Variants in FSTL5 observed in about 807,000 individuals in gnomAD.
FSTL5 encodes the protein follistatin like 5.
A neutral mutation model predicts 89.1 loss-of-function variants in FSTL5; 62 were observed. That is an observed-to-expected ratio of 0.70 (90% confidence interval 0.57 to 0.86). FSTL5 has a LOEUF of 0.86. FSTL5 is among the 40% of genes least tolerant of loss of function. FSTL5 has a pLI of 0.00. For missense variants in FSTL5, 1,057 were observed against 1,001.6 expected (o/e 1.06, Z -0.75); for synonymous variants, 383 against 346.2 (o/e 1.11, Z -1.18).
intron 6 of FSTL5, among the ~76,000 whole-genome samples, chr4:161,746,298 G>C (rs771686381): frequency 2.0e-5 from 3 of 152,064 alleles, no homozygotes; most frequent in Non-Finnish European, 4.4e-5. Context: ...GAAATTGTTA[G>C]CCTTATCCAT....
chr4:161,466,323 C>A (rs1356786072), intron 13 of FSTL5, among the ~76,000 whole-genome samples: 1 of 152,038 alleles, frequency 6.6e-6, no homozygotes, highest in Non-Finnish European at 1.5e-5. Flanking sequence ...ACACATGATA[C>A]CCTAGTCATG....
intron 2 of FSTL5, among the ~76,000 whole-genome samples, chr4:162,109,329 G>A (rs17460297): frequency 0.14 from 21,445 of 151,940 alleles, 1,997 homozygotes; most frequent in Non-Finnish European, 0.19. Flanking sequence ...AGGATTCCTA[G>A]TCATTCCTGT....
chr4:161,439,338 G>A (rs1409849376), intron 15 of FSTL5, among the ~76,000 whole-genome samples: 3 of 152,208 alleles, frequency 2.0e-5, no homozygotes, highest in African/African-American at 4.8e-5. Context: ...GGATGAGTGA[G>A]TTGGAGGCAC....
rs992987280 is a variant in FSTL5 at position 161,768,827 on chromosome 4, TA to T, written c.606+7050del. On this transcript the variant is annotated intron_variant, in intron 5 of 15. Transcript: ENST00000306100. ...CCAACCAAACCCAAAGTCAATAGAATAAAAAAAAATAAAAATTAGAACAGAA... is the reference window on the plus strand; with the variant it reads ...CCAACCAAACCCAAAGTCAATAGAATAAAAAAAATAAAAATTAGAACAGAA... 1.1e-4 allele frequency among the ~76,000 whole-genome samples: 16 copies of T among 146,098 alleles called. No individual in the cohort carries two copies. In the East Asian group the frequency reaches 1.4e-3, roughly 13 times the overall value.
intron 6 of FSTL5, among the ~76,000 whole-genome samples, chr4:161,710,501 T>G (rs1738743460): frequency 6.6e-6 from 1 of 152,156 alleles, no homozygotes; most frequent in Non-Finnish European, 1.5e-5. Context: ...TTAATCTGAG[T>G]TCTTCCTTTA....
intron 4 of FSTL5, among the ~76,000 whole-genome samples, chr4:161,859,556 A>T (rs985133608): frequency 2.7e-5 from 4 of 149,422 alleles, no homozygotes; most frequent in South Asian, 2.1e-4. Flanking sequence ...TTCAATATTT[A>T]AAAAAATATA....
intron 4 of FSTL5, among the ~76,000 whole-genome samples, chr4:161,835,673 C>T (rs1731015182): frequency 6.6e-6 from 1 of 152,090 alleles, no homozygotes; most frequent in Non-Finnish European, 1.5e-5. Flanking sequence ...CAAAAGAAGA[C>T]ATTTATGCAG....
intron 8 of FSTL5, among the ~76,000 whole-genome samples, chr4:161,580,991 C>T (rs770494986): frequency 6.6e-6 from 1 of 152,010 alleles, no homozygotes; most frequent in Non-Finnish European, 1.5e-5. Flanking sequence ...AGGCAAAAGC[C>T]TGAAATGATA....
intron 6 of FSTL5, among the ~76,000 whole-genome samples, chr4:161,661,971 C>CA (rs1269413527): frequency 6.6e-6 from 1 of 152,066 alleles, no homozygotes; most frequent in Admixed American, 6.5e-5. Flanking sequence ...AACTGTAACT[C>CA]AGAGATGAGA....
intron 7 of FSTL5, among the ~76,000 whole-genome samples, chr4:161,593,968 C>A (rs142139149): frequency 3.3e-5 from 5 of 152,002 alleles, no homozygotes; most frequent in Non-Finnish European, 7.4e-5. Flanking sequence ...CTGTACCTCA[C>A]GTGAACAGTA....
At chr4:161,790,351 G>A (rs1729421694) in intron 4 of FSTL5, among the ~76,000 whole-genome samples, 1 of 152,208 alleles carries the variant, frequency 6.6e-6, no homozygotes, top group South Asian at 2.1e-4. Context: ...TATAGCCTTT[G>A]AGGAAAGAAG....
intron 1 of FSTL5, among the ~76,000 whole-genome samples, chr4:162,119,996 TA>T (rs1470020619): frequency 3.9e-5 from 6 of 152,172 alleles, no homozygotes; most frequent in Non-Finnish European, 5.9e-5. Context: ...AATATAATTT[TA>T]AGTAATAAAT....
intron 4 of FSTL5, among the ~76,000 whole-genome samples, chr4:161,878,385 C>A (rs1330877633): frequency 6.6e-6 from 1 of 151,980 alleles, no homozygotes; most frequent in Admixed American, 6.6e-5. Context: ...AAGAGCTTTG[C>A]AAATATTGTT....
At chr4:161,900,316 G>C (rs1201377920) in intron 4 of FSTL5, among the ~76,000 whole-genome samples, 1 of 152,094 alleles carries the variant, frequency 6.6e-6, no homozygotes, top group African/African-American at 2.4e-5. Flanking sequence ...AGCATAAAGA[G>C]CAACGGGAAC....
intron 10 of FSTL5, among the ~76,000 whole-genome samples, chr4:161,525,903 C>A (rs939062213): frequency 6.6e-6 from 1 of 152,044 alleles, no homozygotes; most frequent in South Asian, 2.1e-4. Context: ...GGTATGTTTT[C>A]TTTATAATTA....
intron 4 of FSTL5, among the ~76,000 whole-genome samples, chr4:161,872,470 T>C (rs1476175825): frequency 6.6e-6 from 1 of 152,188 alleles, no homozygotes; most frequent in Non-Finnish European, 1.5e-5. Flanking sequence ...ATTTCTGGAC[T>C]CCTTTCCAAA....
chr4:161,390,346 T>C (rs918596012), intron 15 of FSTL5, among the ~76,000 whole-genome samples: 9 of 152,188 alleles, frequency 5.9e-5, no homozygotes, highest in Admixed American at 1.3e-4. Flanking sequence ...TCAGCATTTA[T>C]GTCACAGCAA....
rs115437888 is a variant in FSTL5, at chr4:161,477,981, T to C, written c.1608+3039A>G. Among the ~76,000 whole-genome samples the C allele has an allele frequency of 3.4e-3, 520 of 152,178 alleles. 3 individuals carry two copies. The highest frequency in any genetic ancestry group is 0.011 in the African/African-American group (472 of 41,556). On this transcript the variant is annotated intron_variant, in intron 13 of 15. Transcript: ENST00000306100. ...TAGTCACATATGCTATTTTTGGAAG[T>C]TAAATATAATATAATAATTTGGAAA...
chr4:162,138,282 TA>T (rs1160533793), intron 1 of FSTL5, among the ~76,000 whole-genome samples: 1 of 150,734 alleles, frequency 6.6e-6, no homozygotes, highest in Non-Finnish European at 1.5e-5. Context: ...TCTTCAGAGT[TA>T]CAGAACTTCT....
Sources: gnomAD v4.1 joint callset for allele counts (sites outside exome capture counted in the v4.1 genomes callset) on GRCh38, gnomAD v4.1.1 for gene constraint, MANE v1.5 for transcripts, NCBI Gene and HGNC (gene_info 2026-07-23, HGNC 2026-07-21) for gene names.